Variants in ARHGEF3 observed in about 807,000 individuals in gnomAD.
The protein encoded by ARHGEF3 is Rho guanine nucleotide exchange factor 3.
ARHGEF3 carries 28 observed loss-of-function variants against 63.2 expected under a neutral mutation model. The observed-to-expected ratio is 0.44, with a 90% CI of 0.33 to 0.61. ARHGEF3 has a LOEUF of 0.61. Among genes scored for constraint, ARHGEF3 ranks in the 20% least tolerant of loss-of-function variants. The pLI is 0.03. For synonymous variants in ARHGEF3, 266 were observed against 254.2 expected (o/e 1.05, Z -0.44); for missense variants, 533 against 659.3 (o/e 0.81, Z 2.10).
chr3:56,937,133 G>C (rs1242162946), intron 3 of ARHGEF3, among the ~76,000 whole-genome samples: 1 of 152,164 alleles, frequency 6.6e-6, no homozygotes, highest in Admixed American at 6.6e-5. Context: ...TCCTTGATTG[G>C]ATAAAAACAA....
At chr3:56,982,135 G>C (rs77474788) in intron 2 of ARHGEF3, among the ~76,000 whole-genome samples, 6 of 152,084 alleles carry the variant, frequency 3.9e-5, no homozygotes, top group African/African-American at 1.4e-4. Context: ...CCTGGGGAAA[G>C]CAGAGCAAGA....
At chr3:56,944,097 C>T (rs1699336234) in intron 3 of ARHGEF3, among the ~76,000 whole-genome samples, 2 of 152,022 alleles carry the variant, frequency 1.3e-5, no homozygotes, top group African/African-American at 2.4e-5. Context: ...TGCTTGAACC[C>T]GAAAGGTGGA....
chr3:57,067,311 C>T (rs1422617849), intron 1 of ARHGEF3, among the ~76,000 whole-genome samples: 2 of 151,452 alleles, frequency 1.3e-5, no homozygotes, highest in South Asian at 2.1e-4. Flanking sequence ...CAAAATTAGC[C>T]GGGCGTGGTG....
At chr3:56,986,125 C>G (rs1388769279) in intron 2 of ARHGEF3, among the ~76,000 whole-genome samples, 1 of 152,170 alleles carries the variant, frequency 6.6e-6, no homozygotes, top group Admixed American at 6.5e-5. Context: ...GAATCACCAG[C>G]AGGGGGAAAT....
chr3:56,843,452 A>C (rs2039383689), intron 4 of ARHGEF3, among the ~76,000 whole-genome samples: 1 of 150,834 alleles, frequency 6.6e-6, no homozygotes, highest in African/African-American at 2.4e-5. Context: ...TTTTTTATAG[A>C]GAAAGGGTTT....
intron 1 of ARHGEF3, among the ~76,000 whole-genome samples, chr3:56,798,887 T>C (rs1475025639): frequency 1.3e-5 from 2 of 152,226 alleles, no homozygotes; most frequent in Non-Finnish European, 2.9e-5. Flanking sequence ...TCACTGATTA[T>C]GGATATTAAA....
intron 1 of ARHGEF3, among the ~76,000 whole-genome samples, chr3:56,784,722 C>CTCTGCAGCAA (rs2036719180): frequency 6.6e-6 from 1 of 152,182 alleles, no homozygotes; most frequent in African/African-American, 2.4e-5. Context: ...ATCTGAATGC[C>CTCTGCAGCAA]TCTGCAGCAA....
intron 1 of ARHGEF3, among the ~76,000 whole-genome samples, chr3:57,071,782 C>G (rs1378964055): frequency 6.6e-6 from 1 of 151,914 alleles, no homozygotes; most frequent in Non-Finnish European, 1.5e-5. Context: ...TTGAACTTCA[C>G]CAAAATTAAA....
At position 56,801,050 on chromosome 3, in the gene ARHGEF3, A is replaced by G. The variant is rs143475306; in HGVS notation, c.96+653T>C. 2.0e-4 allele frequency among the ~76,000 whole-genome samples: 31 copies of G among 152,348 alleles called. No individual in the cohort carries two copies. In the East Asian group the frequency reaches 4.2e-3, roughly 21 times the overall value. Reference sequence around the variant, plus strand: ...GTTCCCAGAAAGAGAAATGTTTCCAATGTTCCAAGGCAGCTTTCCATTGAC... The same window carrying G: ...GTTCCCAGAAAGAGAAATGTTTCCAGTGTTCCAAGGCAGCTTTCCATTGAC... On this transcript the variant is annotated intron_variant, in intron 1 of 9. Transcript: ENST00000296315.
intron 3 of ARHGEF3, among the ~76,000 whole-genome samples, chr3:56,920,853 T>C (rs576508034): frequency 2.4e-4 from 37 of 151,878 alleles, no homozygotes; most frequent in African/African-American, 3.1e-4. Context: ...GAGATCAAGA[T>C]CATCCTGGCT....
At chr3:56,994,814 T>C (rs1175094459) in intron 2 of ARHGEF3, among the ~76,000 whole-genome samples, 3 of 152,288 alleles carry the variant, frequency 2.0e-5, no homozygotes, top group African/African-American at 7.2e-5. Context: ...CTGAATCTCA[T>C]GTGAAACTGT....
At chr3:56,948,642 T>C (rs1484589345) in intron 3 of ARHGEF3, among the ~76,000 whole-genome samples, 2 of 151,972 alleles carry the variant, frequency 1.3e-5, no homozygotes, top group African/African-American at 2.4e-5. Flanking sequence ...AATTAATAGC[T>C]TACCAACCAA....
intron 2 of ARHGEF3, among the ~76,000 whole-genome samples, chr3:56,998,472 T>C (rs7624375): frequency 0.16 from 24,457 of 151,422 alleles, 2,251 homozygotes; most frequent in Non-Finnish European, 0.21. Context: ...TTCACTTCCC[T>C]ACTTTCCTTG....
intron 2 of ARHGEF3, among the ~76,000 whole-genome samples, chr3:56,994,079 A>AAAAAAAAAAAAAAC (rs1159552674): frequency 6.7e-6 from 1 of 148,222 alleles, no homozygotes; most frequent in Non-Finnish European, 1.5e-5. Context: ...AAAAAAAAAA[A>AAAAAAAAAAAAAAC]AAAAAAGCAC....
At chr3:56,832,489 C>T (rs1219207883) in intron 4 of ARHGEF3, among the ~76,000 whole-genome samples, 1 of 151,694 alleles carries the variant, frequency 6.6e-6, no homozygotes, top group African/African-American at 2.4e-5. Flanking sequence ...CTCTTCCCAC[C>T]ACCTCAGTCC....
chr3:56,864,215 T>C lies in ARHGEF3; in HGVS notation c.192+18077A>G, dbSNP rs529591720. Among the ~76,000 whole-genome samples the C allele has an allele frequency of 5.1e-4, 78 of 152,340 alleles. 1 individual carries two copies. Among genetic ancestry groups the C allele is most frequent in the African/African-American group, 1.8e-3 (75 of 41,582 alleles). On this transcript the variant is annotated intron_variant, in intron 4 of 12. Transcript: ENST00000338458. ...TGTTCTTAGTATAAAGATGCAAATCTTGGGCATAGCCTTTGAAGCTATGTG... is the reference window on the plus strand; with the variant it reads ...TGTTCTTAGTATAAAGATGCAAATCCTGGGCATAGCCTTTGAAGCTATGTG...
chr3:56,866,138 C>T (rs2040241759), intron 4 of ARHGEF3, among the ~76,000 whole-genome samples: 1 of 152,130 alleles, frequency 6.6e-6, no homozygotes, highest in East Asian at 1.9e-4. Flanking sequence ...GTACTCCAGC[C>T]TGTGTGGCAG....
At chr3:57,073,984 C>A (rs917287456) in intron 1 of ARHGEF3, 1 of 1,614,066 alleles carries the variant, frequency 6.2e-7, no homozygotes, top group African/African-American at 1.3e-5. Flanking sequence ...ATCGCTGTAT[C>A]CCAAATAAAT....
At chr3:56,802,541 C>A (rs892390266), upstream of ARHGEF3, among the ~76,000 whole-genome samples, 1 of 152,038 alleles carries the variant, frequency 6.6e-6, no homozygotes, top group African/African-American at 2.4e-5. Context: ...CCCGTATAAC[C>A]ACCTCCACAG....
Sources: gnomAD v4.1 joint callset for allele counts (sites outside exome capture counted in the v4.1 genomes callset) on GRCh38, gnomAD v4.1.1 for gene constraint, MANE v1.5 for transcripts, NCBI Gene and HGNC (gene_info 2026-07-23, HGNC 2026-07-21) for gene names.